ITGA9: variants seen among roughly 807,000 people sequenced by gnomAD.
ITGA9 encodes integrin subunit alpha 9.
A neutral mutation model predicts 127.8 loss-of-function variants in ITGA9; 56 were observed. The ratio of observed to expected loss-of-function variants is 0.44; its 90% confidence interval spans 0.35 to 0.55. The LOEUF (loss-of-function observed/expected upper bound fraction) is 0.55. ITGA9 is among the 20% of genes least tolerant of loss of function. ITGA9 has a pLI of 0.00. For missense variants in ITGA9, 1,196 were observed against 1,347.1 expected (o/e 0.89, Z 1.76); for synonymous variants, 508 against 514.5 (o/e 0.99, Z 0.17).
intron 15 of ITGA9, among the ~76,000 whole-genome samples, chr3:37,596,027 G>A (rs1353818316): frequency 6.6e-6 from 1 of 152,214 alleles, no homozygotes; most frequent in Non-Finnish European, 1.5e-5. Context: ...TAGGAATACA[G>A]TGATGAGGAA....
chr3:37,568,796 A>G (rs1699573383), intron 15 of ITGA9, among the ~76,000 whole-genome samples: 1 of 152,104 alleles, frequency 6.6e-6, no homozygotes, highest in African/African-American at 2.4e-5. Context: ...CGTTGTCCCT[A>G]TTATTATCAG....
At chr3:37,642,197 C>T (rs1466852893) in intron 16 of ITGA9, among the ~76,000 whole-genome samples, 1 of 152,202 alleles carries the variant, frequency 6.6e-6, no homozygotes, top group Non-Finnish European at 1.5e-5. Context: ...CCTCCTGCCT[C>T]AGCCTCCCTA....
rs543437851 is a variant in ITGA9 at position 37,459,862 on chromosome 3, G to A, written c.185+7303G>A. Among the ~76,000 whole-genome samples the A allele has an allele frequency of 1.6e-4, 24 of 152,200 alleles. 1 individual carries two copies. The highest frequency in any genetic ancestry group is 3.1e-4 in the Non-Finnish European group (21 of 67,992). On this transcript the variant is annotated intron_variant, in intron 1 of 27. Coordinates refer to ENST00000264741, the MANE Select transcript of ITGA9 (RefSeq NM_002207.3). ...ATTGCAATAGCAGTAGCTTCTCTGC[G>A]GCACCCTTTGGGGATGCTTATTCAT...
intron 15 of ITGA9, among the ~76,000 whole-genome samples, chr3:37,627,226 A>G (rs1018112079): frequency 3.9e-5 from 6 of 152,340 alleles, no homozygotes; most frequent in South Asian, 2.1e-4. Flanking sequence ...CCTGAACACC[A>G]GTAAAAATCA....
intron 18 of ITGA9, among the ~76,000 whole-genome samples, chr3:37,685,543 C>T (rs985218702): frequency 1.3e-5 from 2 of 152,158 alleles, no homozygotes; most frequent in Non-Finnish European, 2.9e-5. Context: ...TGCTGTGATG[C>T]CATCTCCCTG....
chr3:37,619,144 C>G (rs1204200590), intron 15 of ITGA9, among the ~76,000 whole-genome samples: 3 of 152,130 alleles, frequency 2.0e-5, no homozygotes, highest in African/African-American at 7.2e-5. Context: ...AAGTAAAACT[C>G]CAAGTTGAAC....
intron 18 of ITGA9, among the ~76,000 whole-genome samples, chr3:37,725,597 G>A (rs573567304): frequency 6.6e-6 from 1 of 152,048 alleles, no homozygotes; most frequent in Non-Finnish European, 1.5e-5. Context: ...GGAAACCCTG[G>A]GCAAGTGATA....
intron 23 of ITGA9, among the ~76,000 whole-genome samples, chr3:37,752,283 T>G (rs1181452910): frequency 3.3e-5 from 5 of 152,164 alleles, no homozygotes; most frequent in Non-Finnish European, 7.3e-5. Flanking sequence ...ATTCTGGGGA[T>G]TTGGGTGGCT....
chr3:37,555,003 C>A (rs1440452241), intron 15 of ITGA9, among the ~76,000 whole-genome samples: 1 of 151,972 alleles, frequency 6.6e-6, no homozygotes, highest in East Asian at 1.9e-4. Flanking sequence ...GATGAGATCA[C>A]CCAGGGTGTG....
At chr3:37,539,789 T>C (rs7634977) in intron 14 of ITGA9, among the ~76,000 whole-genome samples, 6,134 of 152,274 alleles carry the variant, frequency 0.04, 400 homozygotes, top group African/African-American at 0.14. Flanking sequence ...GGGTGTCTTA[T>C]TGAGCAGGTT....
intron 17 of ITGA9, among the ~76,000 whole-genome samples, chr3:37,660,014 A>G (rs1159891256): frequency 6.6e-6 from 1 of 152,120 alleles, no homozygotes; most frequent in African/African-American, 2.4e-5. Context: ...GCACACACAC[A>G]CACACAAATA....
chr3:37,683,625 T>C (rs1700753748), intron 17 of ITGA9, among the ~76,000 whole-genome samples: 1 of 152,182 alleles, frequency 6.6e-6, no homozygotes, highest in South Asian at 2.1e-4. Context: ...ATGTACAAGA[T>C]TTCATGTGAG....
chr3:37,791,421 T>G (rs1209964815), intron 26 of ITGA9, among the ~76,000 whole-genome samples: 1 of 152,028 alleles, frequency 6.6e-6, no homozygotes, highest in Non-Finnish European at 1.5e-5. Flanking sequence ...TCAGAATGGA[T>G]TCGAAGGCTA....
chr3:37,747,706 CCTTTTTTTT>C (rs1167237745), intron 22 of ITGA9, among the ~76,000 whole-genome samples: 1 of 139,456 alleles, frequency 7.2e-6, no homozygotes, highest in Non-Finnish European at 1.5e-5. Context: ...TTATTTCTTT[CCTTTTTTTT>C]CTTTTTTTTT....
intron 15 of ITGA9, among the ~76,000 whole-genome samples, chr3:37,544,840 A>G (rs1438200243): frequency 2.6e-5 from 4 of 152,218 alleles, no homozygotes; most frequent in Non-Finnish European, 5.9e-5. Flanking sequence ...AAGAGGCAAC[A>G]TTGTTGCCAA....
chr3:37,600,516 G>C (rs1022262702), intron 15 of ITGA9, among the ~76,000 whole-genome samples: 1 of 152,228 alleles, frequency 6.6e-6, no homozygotes, highest in Admixed American at 6.5e-5. Context: ...TGGGCTCCAC[G>C]ATGCAGGGCC....
chr3:37,496,711 G>C (rs1698734159), intron 5 of ITGA9, among the ~76,000 whole-genome samples: 1 of 152,070 alleles, frequency 6.6e-6, no homozygotes. Flanking sequence ...CCTTCCCTTG[G>C]CCTCCCAGCC....
chr3:37,773,641 G>A (rs1696870867), intron 23 of ITGA9, among the ~76,000 whole-genome samples: 2 of 152,008 alleles, frequency 1.3e-5, no homozygotes, highest in African/African-American at 4.8e-5. Flanking sequence ...TGCCTTTGAG[G>A]TGGGGGGAGT....
intron 16 of ITGA9, among the ~76,000 whole-genome samples, chr3:37,647,120 G>GT (rs1209512824): frequency 6.6e-6 from 1 of 151,902 alleles, no homozygotes; most frequent in African/African-American, 2.4e-5. Context: ...ATGGTGTATT[G>GT]TTTTTTTACC....
Sources: allele counts gnomAD v4.1 joint callset (sites outside exome capture counted in the v4.1 genomes callset), GRCh38; gene constraint gnomAD v4.1.1; transcripts MANE v1.5; gene names NCBI Gene and HGNC (gene_info 2026-07-23, HGNC 2026-07-21).